Variants in PCDHGB1 observed in about 807,000 individuals in gnomAD.
PCDHGB1 encodes protocadherin gamma-B1.
Under a neutral mutation model 56.6 loss-of-function variants are expected in PCDHGB1, and 34 were observed. The ratio of observed to expected loss-of-function variants is 0.60; its 90% CI spans 0.46 to 0.80. The LOEUF is 0.80. PCDHGB1 is among the 30% of genes least tolerant of loss of function. The pLI, the probability that PCDHGB1 is intolerant of heterozygous loss-of-function variation, is 0.00. For synonymous variants in PCDHGB1, 561 were observed against 505.9 expected, an observed-to-expected ratio of 1.11 and a Z score of -1.46; for missense variants, 1,278 against 1,204.6, an observed-to-expected ratio of 1.06 and a Z score of -0.90.
At chr5:141,428,100 G>C (rs1313410784) in intron 1 of PCDHGB1, 11 of 1,608,462 alleles carry the variant, frequency 6.8e-6, no homozygotes, top group Non-Finnish European at 9.3e-6. Context: ...GTCCTACCAC[G>C]TGCTGCAGGC....
At chr5:141,383,189 C>A (rs1588938013) in intron 1 of PCDHGB1, 1 of 1,614,068 alleles carries the variant, frequency 6.2e-7, no homozygotes, top group Non-Finnish European at 8.5e-7. Context: ...GAGATCTGCG[C>A]TCAGAGTGCG....
intron 1 of PCDHGB1, among the ~76,000 whole-genome samples, chr5:141,455,045 C>G (rs1008259013): frequency 6.6e-6 from 1 of 151,798 alleles, no homozygotes; most frequent in Non-Finnish European, 1.5e-5. Context: ...ATCTCCTGAC[C>G]TCGTGATCCG....
chr5:141,362,133 T>G, intron 1 of PCDHGB1: 2 of 1,614,020 alleles, frequency 1.2e-6, no homozygotes, highest in South Asian at 2.2e-5. Flanking sequence ...TCTTCGCGGA[T>G]AGCCTGCAAG....
chr5:141,365,329 G>T (rs768826451), intron 1 of PCDHGB1: 1 of 1,613,968 alleles, frequency 6.2e-7, no homozygotes, highest in Non-Finnish European at 8.5e-7. Flanking sequence ...GCGCTAAGGT[G>T]GTGGTCACAG....
At chr5:141,414,313 T>C in intron 1 of PCDHGB1, 1 of 1,613,748 alleles carries the variant, frequency 6.2e-7, no homozygotes, top group Non-Finnish European at 8.5e-7. Context: ...TGATTTAGAC[T>C]CTGAGCAGAA....
At chr5:141,434,193 T>G (rs2097677103) in intron 1 of PCDHGB1, among the ~76,000 whole-genome samples, 1 of 152,246 alleles carries the variant, frequency 6.6e-6, no homozygotes, top group South Asian at 2.1e-4. Flanking sequence ...GTAATTCCAA[T>G]GTACTTACTT....
intron 2 of PCDHGB1, among the ~76,000 whole-genome samples, chr5:141,499,612 C>T (rs1489412444): frequency 6.6e-6 from 1 of 151,968 alleles, no homozygotes; most frequent in African/African-American, 2.4e-5. Context: ...TACCCTTATC[C>T]TGTCCTTGGA....
At chr5:141,389,332 G>A in intron 1 of PCDHGB1, 2 of 1,613,980 alleles carry the variant, frequency 1.2e-6, no homozygotes, top group Non-Finnish European at 8.5e-7. Context: ...GGGCCCAACG[G>A]CCAAGTCTCT....
chr5:141,390,358 G>A lies in PCDHGB1; in HGVS notation c.2409+37689G>A, dbSNP rs934109377. ...TATTCACAAGAAAATATACATATTT[G>A]CAGGAAAATATATAATTTTTAGATG... is the stretch of plus-strand genomic sequence containing the variant. On this transcript the variant is annotated intron_variant, in intron 1 of 3. Coordinates refer to ENST00000523390, the MANE Select transcript of PCDHGB1 (RefSeq NM_018922.3). The A allele has an allele frequency of 3.9e-6, 6 of 1,540,796 alleles. No homozygotes were observed. In the African/African-American group the frequency reaches 8.3e-5, roughly 21 times the overall value.
Position 141,489,338 on chromosome 5 carries a change from A to T in PCDHGB1, c.2410-5469A>T, listed in dbSNP as rs1303176012. 1 of 1,608,414 alleles carries T rather than the reference A, an allele frequency of 6.2e-7. No homozygotes were observed. Among genetic ancestry groups the T allele is most frequent in the South Asian group, 1.1e-5 (1 of 90,478 alleles). ...GGCTGGGTGTCTGGGCAGCTTCGTTACTCAGTGGTGGAGGAGTCTGAGCCG... is the reference window on the plus strand; with the variant it reads ...GGCTGGGTGTCTGGGCAGCTTCGTTTCTCAGTGGTGGAGGAGTCTGAGCCG... On this transcript the variant is annotated intron_variant, in intron 1 of 3. Coordinates refer to ENST00000523390, the MANE Select transcript of PCDHGB1 (RefSeq NM_018922.3). This position sits in a 1 kb window ranked among gnomAD's most constrained non-coding sequence, Gnocchi z 4.5.
chr5:141,464,273 A>G (rs1330533734), intron 1 of PCDHGB1, among the ~76,000 whole-genome samples: 1 of 136,736 alleles, frequency 7.3e-6, no homozygotes, highest in African/African-American at 3.0e-5. Context: ...TAAAAAAAAA[A>G]AAAAGCAAAA....
chr5:141,369,151 T>C (rs1013865524), intron 1 of PCDHGB1, among the ~76,000 whole-genome samples: 6 of 152,206 alleles, frequency 3.9e-5, no homozygotes, highest in African/African-American at 1.4e-4. Context: ...GGCATGTTAT[T>C]GACCAGGGAA....
intron 1 of PCDHGB1, among the ~76,000 whole-genome samples, chr5:141,494,113 C>G (rs2099751999): frequency 6.6e-6 from 1 of 152,214 alleles, no homozygotes; most frequent in Non-Finnish European, 1.5e-5. Flanking sequence ...TCAGACAGAG[C>G]AGCCTTGTTC....
intron 2 of PCDHGB1, among the ~76,000 whole-genome samples, chr5:141,496,903 A>G (rs990378360): frequency 1.1e-4 from 16 of 150,744 alleles, no homozygotes; most frequent in Non-Finnish European, 2.4e-4. Flanking sequence ...AAAAAAAAAA[A>G]GGCTGGGCAC....
intron 1 of PCDHGB1, chr5:141,419,315 C>G (rs2096357855): frequency 1.2e-6 from 2 of 1,613,998 alleles, no homozygotes; most frequent in Non-Finnish European, 1.7e-6. Flanking sequence ...GCTCAACGGC[C>G]GTGTCTCCTA....
intron 1 of PCDHGB1, chr5:141,357,779 A>G (rs552540688): frequency 6.8e-6 from 6 of 880,964 alleles, no homozygotes; most frequent in South Asian, 3.7e-5. Flanking sequence ...ATAATGATCA[A>G]CAGTATTTAC....
At chr5:141,389,585 C>G in intron 1 of PCDHGB1, 1 of 1,613,182 alleles carries the variant, frequency 6.2e-7, no homozygotes, top group Non-Finnish European at 8.5e-7. Context: ...CGCTGGGTCC[C>G]GACGGCTCTG....
intron 1 of PCDHGB1, among the ~76,000 whole-genome samples, chr5:141,463,572 C>T (rs1462125489): frequency 6.6e-6 from 1 of 151,572 alleles, no homozygotes; most frequent in African/African-American, 2.4e-5. Context: ...CCTCAGCCTC[C>T]CGAGTAGCTG....
intron 1 of PCDHGB1, among the ~76,000 whole-genome samples, chr5:141,358,090 T>C (rs1298927847): frequency 6.6e-6 from 1 of 152,192 alleles, no homozygotes; most frequent in African/African-American, 2.4e-5. Flanking sequence ...CCCTGGAGGC[T>C]GAGGCATGAG....
Sources: gnomAD v4.1 joint callset for allele counts (sites outside exome capture counted in the v4.1 genomes callset) on GRCh38, gnomAD v4.1.1 for gene constraint, Gnocchi (gnomAD v3.1) non-coding constraint, MANE v1.5 for transcripts, NCBI Gene and HGNC (gene_info 2026-07-23, HGNC 2026-07-21) for gene names.